The following PFKP variants were observed in gnomAD, a reference collection of about 807,000 sequenced individuals.
The protein encoded by PFKP is phosphofructokinase, platelet.
PFKP carries 101 observed loss-of-function variants against 94.3 expected under a neutral mutation model. That is an observed-to-expected ratio of 1.07 (90% CI 0.91 to 1.26). The LOEUF (loss-of-function observed/expected upper bound fraction) is 1.26, where lower values mean the gene tolerates loss of function less well. Ranked by LOEUF, PFKP falls within the 50% of genes most tolerant of loss-of-function variation. PFKP has a pLI of 0.00. For missense variants in PFKP, 1,145 were observed against 1,103.3 expected (o/e 1.04, Z -0.53); for synonymous variants, 573 against 432.6 (o/e 1.32, Z -4.03).
intron 14 of PFKP, among the ~76,000 whole-genome samples, chr10:3,118,382 C>G (rs1031562612): frequency 1.3e-5 from 2 of 152,126 alleles, no homozygotes; most frequent in East Asian, 1.9e-4. Context: ...GCACGAGAAT[C>G]ACTTGAACCC....
chr10:3,071,369 TTTTG>T (rs150588087), intron 1 of PFKP, among the ~76,000 whole-genome samples: 7 of 150,190 alleles, frequency 4.7e-5, no homozygotes, highest in African/African-American at 9.9e-5. Context: ...CTCAGGCTGT[TTTTG>T]TTTGTTTGTT....
At chr10:3,095,766 C>T (rs944084494) in intron 2 of PFKP, among the ~76,000 whole-genome samples, 1 of 152,202 alleles carries the variant, frequency 6.6e-6, no homozygotes. Context: ...AATGAGTCTT[C>T]CTAATTTAGT....
chr10:3,096,366 C>A (rs12357621), intron 2 of PFKP, among the ~76,000 whole-genome samples: 1 of 151,990 alleles, frequency 6.6e-6, no homozygotes, highest in Non-Finnish European at 1.5e-5. Context: ...ACCTTCCCCC[C>A]GGTCTCTTTA....
intron 9 of PFKP, among the ~76,000 whole-genome samples, 173 bp from the exon 10 acceptor site, chr10:3,109,182 C>T (rs187422021): frequency 2.0e-5 from 3 of 152,206 alleles, no homozygotes; most frequent in African/African-American, 2.4e-5. Flanking sequence ...TCTCTGTTCC[C>T]GTCTTGCCAG....
chr10:3,094,789 A>G (rs1246553794), intron 2 of PFKP, among the ~76,000 whole-genome samples: 1 of 152,226 alleles, frequency 6.6e-6, no homozygotes, highest in East Asian at 1.9e-4. Flanking sequence ...GAATTCTAAA[A>G]GTGAAATGCT....
chr10:3,133,112 G>T, intron 18 of PFKP, 91 bp from the exon 19 acceptor site: 1 of 860,840 alleles, frequency 1.2e-6, no homozygotes, highest in Non-Finnish European at 2.0e-6. Context: ...TGGGGGATGC[G>T]GGAGTCCAGC....
chr10:3,135,584 C>T (rs1839170346), intron 20 of PFKP, 152 bp from the exon 21 acceptor site: 4 of 565,098 alleles, frequency 7.1e-6, no homozygotes, highest in South Asian at 2.2e-5. Context: ...GGTGCTGGCC[C>T]CACTGCGCGG....
chr10:3,087,272 C>T (rs1407250611), intron 2 of PFKP, among the ~76,000 whole-genome samples: 2 of 152,134 alleles, frequency 1.3e-5, no homozygotes, highest in Non-Finnish European at 2.9e-5. Flanking sequence ...AGGCCCTGGG[C>T]TTTCTTGGGA....
intron 9 of PFKP, among the ~76,000 whole-genome samples, chr10:3,109,084 G>A (rs1835908244): frequency 6.6e-6 from 1 of 152,204 alleles, no homozygotes; most frequent in African/African-American, 2.4e-5. Flanking sequence ...TTTCTAGTGA[G>A]TTTCTGGAAA....
chr10:3,130,846 C>T (rs554719823), intron 17 of PFKP, among the ~76,000 whole-genome samples: 18 of 152,286 alleles, frequency 1.2e-4, no homozygotes, highest in Admixed American at 2.0e-4. Context: ...CATGAGCCAC[C>T]GCGCCCAGCA....
At chr10:3,116,167 T>A (rs1181156330) in intron 13 of PFKP, among the ~76,000 whole-genome samples, 1 of 152,154 alleles carries the variant, frequency 6.6e-6, no homozygotes, top group Non-Finnish European at 1.5e-5. Context: ...CCTTGTACAG[T>A]ATTTACCTTT....
chr10:3,074,880 C>G (rs1226493299), intron 1 of PFKP, among the ~76,000 whole-genome samples: 1 of 152,198 alleles, frequency 6.6e-6, no homozygotes, highest in Non-Finnish European at 1.5e-5. Flanking sequence ...TAAAGACACA[C>G]ACACACAAAT....
At chr10:3,124,051 G>A (rs1210765521) in intron 16 of PFKP, among the ~76,000 whole-genome samples, 7 of 113,226 alleles carry the variant, frequency 6.2e-5, no homozygotes, top group African/African-American at 2.4e-4. Flanking sequence ...CACCTGCCAC[G>A]GGTCTACACC....
chr10:3,091,150 CG>C (rs756897698), intron 2 of PFKP, among the ~76,000 whole-genome samples: 67 of 152,104 alleles, frequency 4.4e-4, no homozygotes, highest in Non-Finnish European at 8.8e-4. Context: ...CAGGGAGACT[CG>C]GGGAGGGTTT....
Position 3,135,777 on chromosome 10 carries a change from A to G in PFKP, c.2164A>G (p.Ile722Val), listed in dbSNP as rs1410269445. The G allele has an allele frequency of 1.2e-6, 2 of 1,613,628 alleles. No homozygotes were observed. The highest frequency in any genetic ancestry group is 1.7e-6 in the Non-Finnish European group (2 of 1,179,662). ...TTDDSICVLG[I>V]SKRNVIFQPV... ...CGATGATTCCATTTGTGTGCTGGGA[A>G]TAAGCAAAAGAAACGTTATTTTTCA... The change falls in exon 21 of 22, where the codon ATA becomes GTA. Residue 722 changes from isoleucine to valine, a missense_variant. By Grantham distance (29) the Ile-to-Val change is conservative (BLOSUM62 3). This residue lies in a region of PFKP where 1,119 missense variants were observed against 1,062.8 expected (regional missense o/e 1.05). Coordinates refer to ENST00000381125, the MANE Select transcript of PFKP (RefSeq NM_002627.5).
chr10:3,120,140 TA>T (rs1321064672), intron 16 of PFKP, 96 bp downstream of exon 16: 8 of 943,394 alleles, frequency 8.5e-6, no homozygotes, highest in Non-Finnish European at 1.2e-5. Flanking sequence ...AATAGCCTTT[TA>T]CAAATACCCT....
Position 3,113,598 on chromosome 10 carries a change from C to G in PFKP, c.1371+80C>G, listed in dbSNP as rs4881089. On this transcript the variant is annotated intron_variant, in intron 13 of 21. Transcript: ENST00000381125. ...GACGTGGCGGCGGGGGGGTGCCCTC[C>G]ATGGCCCTCATACCTTTTCATGCCT... 11 of 1,276,398 alleles carry G rather than the reference C, an allele frequency of 8.6e-6. No homozygotes were observed. In the African/African-American group the frequency reaches 1.2e-4, roughly 14 times the overall value. The allele number at this position is 1,276,398 out of a possible 1,614,324, so 79.1% of individuals were successfully genotyped here.
At chr10:3,104,810 A>T in intron 5 of PFKP, 1 of 468,336 alleles carries the variant, frequency 2.1e-6, no homozygotes, top group South Asian at 2.5e-5. Flanking sequence ...AGAGCCCAGC[A>T]CGGGGCCGGG....
intron 10 of PFKP, among the ~76,000 whole-genome samples, chr10:3,110,790 ATG>A (rs1434832601): frequency 7.9e-5 from 12 of 152,058 alleles, no homozygotes; most frequent in African/African-American, 1.7e-4. Flanking sequence ...ATATTTATGC[ATG>A]TGTGTGCATG....
Sources: gnomAD v4.1 joint callset for allele counts (sites outside exome capture counted in the v4.1 genomes callset) on GRCh38, gnomAD v4.1.1 for gene constraint, gnomAD v4.1.1 regional missense constraint, MANE v1.5 for transcripts, NCBI Gene and HGNC (gene_info 2026-07-23, HGNC 2026-07-21) for gene names.